SLC39A11: variants seen among roughly 807,000 people sequenced by gnomAD.
SLC39A11 encodes the protein zinc transporter ZIP11.
In SLC39A11, 33 loss-of-function variants were observed where a neutral mutation model predicts 36.1. The observed-to-expected ratio is 0.91, with a 90% CI of 0.69 to 1.22. The LOEUF (loss-of-function observed/expected upper bound fraction) is 1.22. SLC39A11 is among the 50% of genes most tolerant of loss of function. The pLI, the probability that SLC39A11 is intolerant of heterozygous loss-of-function variation, is 0.00. For missense variants in SLC39A11, 432 were observed against 430.3 expected, an observed-to-expected ratio of 1.00 and a Z score of -0.03; for synonymous variants, 166 against 170.3, an observed-to-expected ratio of 0.97 and a Z score of 0.20.
At chr17:73,048,463 G>T (rs975234837) in intron 3 of SLC39A11, among the ~76,000 whole-genome samples, 2 of 152,180 alleles carry the variant, frequency 1.3e-5, no homozygotes, top group Non-Finnish European at 2.9e-5. Context: ...TTGACTGCAT[G>T]TCTTTGCTGT....
At chr17:73,020,495 T>G (rs1454248830) in intron 4 of SLC39A11, among the ~76,000 whole-genome samples, 3 of 152,146 alleles carry the variant, frequency 2.0e-5, no homozygotes. Flanking sequence ...CAAGCCAATT[T>G]AGATAGCAGG....
intron 7 of SLC39A11, among the ~76,000 whole-genome samples, chr17:72,729,428 TATATA>T (rs2074087465): frequency 1.9e-4 from 1 of 5,284 alleles, no homozygotes; most frequent in Non-Finnish European, 4.9e-4. Context: ...TATATATATA[TATATA>T]TATATATATA....
intron 4 of SLC39A11, among the ~76,000 whole-genome samples, chr17:72,991,459 G>C (rs1361111197): frequency 6.6e-6 from 1 of 151,990 alleles, no homozygotes; most frequent in Non-Finnish European, 1.5e-5. Context: ...CCGGGTTGAA[G>C]CAATTCTCCT....
intron 4 of SLC39A11, among the ~76,000 whole-genome samples, chr17:72,952,804 CT>C (rs767299137): frequency 1.1e-4 from 17 of 152,286 alleles, no homozygotes; most frequent in Non-Finnish European, 1.9e-4. Context: ...CCAACGCAAG[CT>C]GTTCTTGACT....
At chr17:72,981,209 A>T (rs1047877294) in intron 4 of SLC39A11, among the ~76,000 whole-genome samples, 2 of 152,202 alleles carry the variant, frequency 1.3e-5, no homozygotes, top group Non-Finnish European at 2.9e-5. Context: ...GAGATATTTT[A>T]TACATATATA....
chr17:73,041,269 T>C (rs1415289534), intron 3 of SLC39A11, among the ~76,000 whole-genome samples: 1 of 152,192 alleles, frequency 6.6e-6, no homozygotes, highest in African/African-American at 2.4e-5. Flanking sequence ...GAAGAGGACA[T>C]GGCAGCCACA....
At chr17:73,049,426 G>A (rs566158324) in intron 3 of SLC39A11, among the ~76,000 whole-genome samples, 1 of 152,214 alleles carries the variant, frequency 6.6e-6, no homozygotes, top group Non-Finnish European at 1.5e-5. Context: ...CAGCAGGGCA[G>A]GTTTAGGGAA....
intron 4 of SLC39A11, among the ~76,000 whole-genome samples, chr17:73,016,688 G>A (rs542190263): frequency 6.6e-6 from 1 of 152,312 alleles, no homozygotes; most frequent in South Asian, 2.1e-4. Flanking sequence ...ACAAAGAAGT[G>A]ATTTGCTAAA....
intron 5 of SLC39A11, among the ~76,000 whole-genome samples, chr17:72,877,806 T>A (rs1254247209): frequency 6.6e-6 from 1 of 151,634 alleles, no homozygotes; most frequent in East Asian, 1.9e-4. Context: ...TTTATTTTTT[T>A]ATTTTTATTT....
intron 5 of SLC39A11, among the ~76,000 whole-genome samples, chr17:72,853,773 A>G (rs2079494345): frequency 6.6e-6 from 1 of 152,154 alleles, no homozygotes; most frequent in East Asian, 1.9e-4. Context: ...ATTACAGAGT[A>G]TGATGCGTCG....
Position 72,934,936 on chromosome 17 carries a change from G to A in SLC39A11, c.430+12816C>T, listed in dbSNP as rs373764658. ...TGCAGAGCAACTAGAACTCTGCTGG[G>A]ACTGAAGAACGGCTTATCCGCTTTA... On this transcript the variant is annotated intron_variant, in intron 5 of 9. Coordinates refer to ENST00000255559, the MANE Select transcript of SLC39A11 (RefSeq NM_139177.4). Among the ~76,000 whole-genome samples, 9 of 152,316 alleles carry A rather than the reference G, an allele frequency of 5.9e-5. No individual in the cohort carries two copies. The East Asian group carries it at 1.5e-3, about 26-fold the overall frequency.
intron 6 of SLC39A11, among the ~76,000 whole-genome samples, chr17:72,794,023 A>C (rs957594726): frequency 6.6e-5 from 10 of 152,164 alleles, no homozygotes; most frequent in Non-Finnish European, 1.0e-4. Flanking sequence ...TAACTGTAAT[A>C]ACAGCCTTCA....
At chr17:72,851,907 G>A (rs982861289) in intron 5 of SLC39A11, among the ~76,000 whole-genome samples, 2 of 152,030 alleles carry the variant, frequency 1.3e-5, no homozygotes, top group Non-Finnish European at 2.9e-5. Flanking sequence ...AACTTCTTTT[G>A]AAAATCATTT....
chr17:72,655,462 A>G (rs2143929389), intron 7 of SLC39A11, among the ~76,000 whole-genome samples: 1 of 152,238 alleles, frequency 6.6e-6, no homozygotes, highest in South Asian at 2.1e-4. Context: ...TGCCCTGGAG[A>G]TCTCGGTTTA....
At chr17:72,873,054 CA>C (rs1197695347) in intron 5 of SLC39A11, among the ~76,000 whole-genome samples, 155 of 52,000 alleles carry the variant, frequency 3.0e-3, no homozygotes, top group Admixed American at 3.7e-3. Flanking sequence ...GACTCCATCT[CA>C]AAAAAAAAAA....
intron 4 of SLC39A11, among the ~76,000 whole-genome samples, chr17:72,986,734 C>T (rs62070917): frequency 2.0e-5 from 3 of 152,164 alleles, no homozygotes; most frequent in Non-Finnish European, 4.4e-5. Flanking sequence ...GGATATAAGA[C>T]ATAATCACAG....
intron 7 of SLC39A11, among the ~76,000 whole-genome samples, chr17:72,655,907 A>C (rs553983904): frequency 6.6e-6 from 1 of 152,126 alleles, no homozygotes; most frequent in African/African-American, 2.4e-5. Context: ...TGGCTGGAGG[A>C]TGGGAAACTG....
At chr17:72,721,770 G>A (rs947340152) in intron 7 of SLC39A11, among the ~76,000 whole-genome samples, 1 of 152,080 alleles carries the variant, frequency 6.6e-6, no homozygotes, top group Non-Finnish European at 1.5e-5. Context: ...AGGAGTTTGA[G>A]AGCAGCCTGG....
At chr17:72,777,162 C>T (rs2076165119) in intron 6 of SLC39A11, among the ~76,000 whole-genome samples, 1 of 151,988 alleles carries the variant, frequency 6.6e-6, no homozygotes, top group Non-Finnish European at 1.5e-5. Context: ...ATAACAAATC[C>T]CTATCGAACT....
Sources: allele counts gnomAD v4.1 joint callset (sites outside exome capture counted in the v4.1 genomes callset), GRCh38; gene constraint gnomAD v4.1.1; transcripts MANE v1.5; gene names NCBI Gene and HGNC (gene_info 2026-07-23, HGNC 2026-07-21).